PCP2: variants seen among roughly 807,000 people sequenced by gnomAD.
The protein encoded by PCP2 is Purkinje cell protein 2, also known as Purkinje cell protein 2 homolog.
PCP2 carries 21 observed loss-of-function variants against 18.3 expected under a neutral mutation model. That is an observed-to-expected ratio of 1.14 (90% CI 0.81 to 1.65). The LOEUF is 1.65. Ranked by LOEUF, PCP2 falls within the 40% of genes most tolerant of loss-of-function variation. The pLI is 0.00. For synonymous variants in PCP2, 85 were observed against 77.6 expected, an observed-to-expected ratio of 1.10 and a Z score of -0.50; for missense variants, 202 against 201.8, an observed-to-expected ratio of 1.00 and a Z score of 0.00.
intron 3 of PCP2, 64 bp from the exon 4 acceptor site, chr19:7,631,872 A>G (rs1568458355): frequency 7.3e-7 from 1 of 1,361,266 alleles, no homozygotes; most frequent in African/African-American, 1.5e-5. Context: ...CAGGTGGCGA[A>G]CAATGGAGAG....
chr19:7,634,985 T>C (rs769869449), upstream of PCP2, among the ~76,000 whole-genome samples: 70 of 152,364 alleles, frequency 4.6e-4, no homozygotes, highest in Middle Eastern at 6.8e-3. Flanking sequence ...ACCAGTGATA[T>C]TGCATTAGGG....
chr19:7,633,860 C>T (rs1167915561), upstream of PCP2: 1 of 195,144 alleles, frequency 5.1e-6, no homozygotes, highest in Non-Finnish European at 1.0e-5. Flanking sequence ...CCCAGGTTCC[C>T]CCACTGGCTC....
Position 7,633,606 on chromosome 19 carries a change from C to A in PCP2, c.-149G>T. On this transcript the variant is annotated 5_prime_UTR_variant, in exon 1 of 4. Coordinates refer to ENST00000311069, the MANE Select transcript of PCP2 (RefSeq NM_174895.3). ...CCATCTGCTCCCACCCAAGCTTAAG[C>A]CCCATAAAGATCATCCAGATAATTG... The A allele has an allele frequency of 2.8e-6, 2 of 721,206 alleles. No homozygotes were observed. The highest frequency in any genetic ancestry group is 4.6e-6 in the Non-Finnish European group (2 of 431,174). 44.7% of individuals were successfully genotyped at this position (721,206 alleles called of 1,614,324 possible). A position where few individuals can be genotyped will look rare whatever the true frequency, so the allele number is the denominator to read the frequency against.
Position 7,632,716 on chromosome 19 carries a change from G to A in PCP2, c.166C>T (p.Gln56Ter), listed in dbSNP as rs903506353. The A allele has an allele frequency of 4.5e-6, 7 of 1,557,006 alleles. No homozygotes were observed. The highest frequency in any genetic ancestry group is 3.5e-5 in the South Asian group (3 of 85,734). The part of the protein sequence containing the change: ...QAGPGQTTKS[Q>*]SDPTPEMDSL... ...ACAGCACCCCCGTGCCCATGCTCAC[G>A]GCTCTTGGTGGTCTGGCCCGGCCCG... Residue 56 changes from glutamine to a stop codon, truncating the protein, a stop_gained and splice_region_variant, in exon 2 of 4, where the codon CAG becomes TAG. Coordinates refer to ENST00000311069, the MANE Select transcript of PCP2 (RefSeq NM_174895.3). LOFTEE classifies it high-confidence loss of function. The surrounding 1 kb of genome is among the most constrained non-coding windows in gnomAD (Gnocchi z 5.2).
At position 7,631,704 on chromosome 19, in the gene PCP2, C is replaced by CGG; in HGVS notation, c.394_395dup (p.Thr133ArgfsTer20). The CGG allele has an allele frequency of 6.9e-7, 1 of 1,442,840 alleles. No homozygotes were observed. The highest frequency in any genetic ancestry group is 9.1e-7 in the Non-Finnish European group (1 of 1,095,746). The allele number at this position is 1,442,840 out of a possible 1,614,324, so 89.4% of individuals were successfully genotyped here. The stretch of plus-strand genomic sequence containing the variant: ...CCTCAGGCCCTCAGGGGGCTTGTGT[C>CGG]GGGGGCTGGGGGCTGCTGTTCCGAC... On this transcript the variant is annotated frameshift_variant, in exon 4 of 4. Transcript: ENST00000311069. LOFTEE classifies it high-confidence loss of function.
At chr19:7,631,847 G>A (rs2031323397) in intron 3 of PCP2, 39 bp from the exon 4 acceptor site, 2 of 1,379,756 alleles carry the variant, frequency 1.4e-6, no homozygotes, top group African/African-American at 1.5e-5. Context: ...GAGGGCTCAA[G>A]GGCAGTGCCG....
rs747881069 is a variant in PCP2 at position 7,633,488 on chromosome 19, C to T, written c.-31G>A. 1.3e-6 allele frequency: 2 copies of T among 1,560,726 alleles called. No individual in the cohort carries two copies. The highest frequency in any genetic ancestry group is 1.7e-4 in the Middle Eastern group (1 of 5,992). On this transcript the variant is annotated 5_prime_UTR_variant, in exon 1 of 4. Transcript: ENST00000311069. ...TGGACTCCAGTCACTTTTCTGCTGG[C>T]CTCTGCCCCGGCCCAGTGCCAGAGA... is the stretch of plus-strand genomic sequence containing the variant.
At position 7,632,510 on chromosome 19, in the gene PCP2, G is replaced by T; in HGVS notation, c.174C>A (p.Asp58Glu). 2.5e-6 allele frequency: 4 copies of T among 1,613,152 alleles called. No homozygotes were observed. Among genetic ancestry groups the T allele is most frequent in the Non-Finnish European group, 3.4e-6 (4 of 1,179,912 alleles). The change falls in exon 3 of 4, where the codon GAC becomes GAA. Residue 58 changes from aspartate (D) to glutamate (E), a missense_variant. Asp to Glu is a conservative substitution (Grantham distance 45). Transcript: ENST00000311069. The surrounding 1 kb of genome is among the most constrained non-coding windows in gnomAD (Gnocchi z 5.2). ...TGAGGCTGTCCATCTCGGGGGTGGG[G>T]TCGCTCTCTGCGTGGACGTTCACAG... ...GPGQTTKSQS[D>E]PTPEMDSLMD... is the part of the protein sequence containing the mutation.
Position 7,631,727 on chromosome 19 carries a change from G to A in PCP2, c.373C>T (p.Arg125Trp), listed in dbSNP as rs546097542. 4.8e-6 allele frequency: 7 copies of A among 1,446,418 alleles called. No homozygotes were observed. The highest frequency in any genetic ancestry group is 2.6e-5 in the East Asian group (1 of 38,634). The allele number at this position is 1,446,418 out of a possible 1,614,324, so 89.6% of individuals were successfully genotyped here. A position where few individuals can be genotyped will look rare whatever the true frequency, so the allele number is the denominator to read the frequency against. ...GTCGGGGGCTGGGGGCTGCTGTTCC[G>A]ACGGAAGCCGAGAGCGGTCGGGTCC... Reference protein sequence around the residue: ...PQDPTALGFRRNSSPQPPTQA... With the variant: ...PQDPTALGFRWNSSPQPPTQA... The change falls in exon 4 of 4, where the codon CGG becomes TGG. Residue 125 changes from arginine (R) to tryptophan (W), a missense_variant. By Grantham distance (101) the Arg-to-Trp change is moderately radical. Coordinates refer to ENST00000311069, the MANE Select transcript of PCP2 (RefSeq NM_174895.3).
In PCP2 at chr19:7,632,404, C is replaced by T. The variant is rs369963050; in HGVS notation, c.280G>A (p.Val94Met). 3.3e-5 allele frequency: 53 copies of T among 1,613,900 alleles called. No homozygotes were observed. The Middle Eastern group carries it at 5.0e-4, about 15-fold the overall frequency. The change falls in exon 3 of 4, where the codon GTG becomes ATG. Residue 94 changes from valine to methionine, a missense_variant. Transcript: ENST00000311069. The surrounding 1 kb of genome is among the most constrained non-coding windows in gnomAD (Gnocchi z 5.2). ...TVSSLPGFQP[V>M]GSKDGAQKRA... The stretch of plus-strand genomic sequence containing the variant: ...AGAACATCACCTACCTTGGACCCCA[C>T]GGGCTGGAAGCCGGGCAGGCTGCTG...
chr19:7,631,639 T>A lies in PCP2; in HGVS notation c.*50A>T. 1 of 1,457,342 alleles carries A rather than the reference T, an allele frequency of 6.9e-7. No individual in the cohort carries two copies. The highest frequency in any genetic ancestry group is 9.1e-7 in the Non-Finnish European group (1 of 1,103,176). 90.3% of individuals were successfully genotyped at this position (1,457,342 alleles called of 1,614,324 possible). ...CTTGTTATTCATTTAAGTGTTTTAT[T>A]CTTTTATCAGTTTTTGGGGGCCGAG... On this transcript the variant is annotated 3_prime_UTR_variant, in exon 4 of 4. Transcript: ENST00000311069.
chr19:7,633,046 C>G, intron 1 of PCP2: 1 of 1,409,030 alleles, frequency 7.1e-7, no homozygotes, highest in Non-Finnish European at 9.3e-7. Context: ...CCCTGGCCAG[C>G]AGTGCCACTT....
rs2054084204 is a variant in PCP2, at chr19:7,631,744, G to T, written c.356C>A (p.Thr119Asn). ...GCTGTTCCGACGGAAGCCGAGAGCG[G>T]TCGGGTCCTGAGGGGTGAGCAGGGG... ...PQPLLTPQDP[T>N]ALGFRRNSSP... The change falls in exon 4 of 4, where the codon ACC becomes AAC. Residue 119 changes from threonine to asparagine, a missense_variant. Transcript: ENST00000311069. 2.1e-6 allele frequency: 3 copies of T among 1,447,694 alleles called. No individual in the cohort carries two copies. Among genetic ancestry groups the T allele is most frequent in the Non-Finnish European group, 2.7e-6 (3 of 1,098,032 alleles). 89.7% of individuals were successfully genotyped at this position (1,447,694 alleles called of 1,614,324 possible). A position where few individuals can be genotyped will look rare whatever the true frequency, so the allele number is the denominator to read the frequency against.
Position 7,632,503 on chromosome 19 carries a change from G to A in PCP2, c.181C>T (p.Pro61Ser), listed in dbSNP as rs907683590. 6.2e-6 allele frequency: 10 copies of A among 1,613,284 alleles called. No homozygotes were observed. Among genetic ancestry groups the A allele is most frequent in the Non-Finnish European group, 5.9e-6 (7 of 1,179,960 alleles). The change falls in exon 3 of 4, where the codon CCC becomes TCC. Residue 61 changes from proline (P) to serine (S), a missense_variant. Physicochemically the swap from Pro to Ser is moderately conservative, Grantham distance 74. Coordinates refer to ENST00000311069, the MANE Select transcript of PCP2 (RefSeq NM_174895.3). This position sits in a 1 kb window ranked among gnomAD's most constrained non-coding sequence, Gnocchi z 5.2. ...QTTKSQSDPT[P>S]EMDSLMDMLA... ...ATGTCCATGAGGCTGTCCATCTCGG[G>A]GGTGGGGTCGCTCTCTGCGTGGACG...
At chr19:7,633,054 C>G (rs1190544950) in intron 1 of PCP2, 1 of 1,390,162 alleles carries the variant, frequency 7.2e-7, no homozygotes, top group Non-Finnish European at 9.4e-7. Context: ...AGCAGTGCCA[C>G]TTCACGTGGT....
In PCP2 at chr19:7,632,369, C is replaced by T. The variant is rs376914944; in HGVS notation, c.291+24G>A. The T allele has an allele frequency of 3.0e-4, 484 of 1,612,782 alleles. 4 individuals are homozygous for T. The highest frequency in any genetic ancestry group is 4.1e-4 in the African/African-American group (31 of 74,904). On this transcript the variant is annotated intron_variant, in intron 3 of 3. Coordinates refer to ENST00000311069, the MANE Select transcript of PCP2 (RefSeq NM_174895.3). This position sits in a 1 kb window ranked among gnomAD's most constrained non-coding sequence, Gnocchi z 5.2. ...GAGCACTGCCTGGCGGGTTTCTCCTCGACATCGCCAGAACATCACCTACCT... is the reference window on the plus strand; with the variant it reads ...GAGCACTGCCTGGCGGGTTTCTCCTTGACATCGCCAGAACATCACCTACCT...
Position 7,633,497 on chromosome 19 carries a change from C to T in PCP2, c.-40G>A, listed in dbSNP as rs530372264. The T allele has an allele frequency of 3.8e-5, 59 of 1,552,978 alleles. No homozygotes were observed. The East Asian group carries it at 5.3e-4, about 14-fold the overall frequency. ...GTCACTTTTCTGCTGGCCTCTGCCC[C>T]GGCCCAGTGCCAGAGAGGGCCTTTT... On this transcript the variant is annotated 5_prime_UTR_variant, in exon 1 of 4. Transcript: ENST00000311069.
chr19:7,633,259 A>G lies in PCP2; in HGVS notation c.51+148T>C. The G allele has an allele frequency of 3.4e-6, 3 of 876,466 alleles. No homozygotes were observed. In the Admixed American group the frequency reaches 7.8e-5, roughly 23 times the overall value. The allele number at this position is 876,466 out of a possible 1,614,324, so 54.3% of individuals were successfully genotyped here. ...CCTGGGGCCTGGCACTCAGACCCCC[A>G]AGCCCACCAGCCCCTTTCTACAGCC... is the stretch of plus-strand genomic sequence containing the variant. On this transcript the variant is annotated intron_variant, in intron 1 of 3. Transcript: ENST00000311069.
In PCP2 at chr19:7,631,759, G is replaced by T. The variant is rs778766420; in HGVS notation, c.341C>A (p.Thr114Asn). The T allele has an allele frequency of 7.0e-7, 1 of 1,429,952 alleles. No homozygotes were observed. The highest frequency in any genetic ancestry group is 9.2e-7 in the Non-Finnish European group (1 of 1,088,392). 88.6% of individuals were successfully genotyped at this position (1,429,952 alleles called of 1,614,324 possible). Residue 114 changes from threonine to asparagine, a missense_variant, in exon 4 of 4, where the codon ACC (threonine) becomes AAC (asparagine). Transcript: ENST00000311069. ...GCCGAGAGCGGTCGGGTCCTGAGGGGTGAGCAGGGGTTGGGGACTGAGGGT... is the reference window on the plus strand; with the variant it reads ...GCCGAGAGCGGTCGGGTCCTGAGGGTTGAGCAGGGGTTGGGGACTGAGGGT... Reference protein sequence around the residue: ...AGTLSPQPLLTPQDPTALGFR... With the variant: ...AGTLSPQPLLNPQDPTALGFR...
Sources: allele counts gnomAD v4.1 joint callset (sites outside exome capture counted in the v4.1 genomes callset), GRCh38; gene constraint gnomAD v4.1.1; non-coding constraint Gnocchi (gnomAD v3.1); transcripts MANE v1.5; gene names NCBI Gene and HGNC (gene_info 2026-07-23, HGNC 2026-07-21).